LRP1B: variants seen among roughly 807,000 people sequenced by gnomAD.
LRP1B encodes low-density lipoprotein receptor-related protein 1B.
In LRP1B, 217 loss-of-function variants were observed where a neutral mutation model predicts 556.6. The ratio of observed to expected loss-of-function variants is 0.39; its 90% CI spans 0.35 to 0.44. The LOEUF is 0.44. Among genes scored for constraint, LRP1B ranks in the 20% least tolerant of loss-of-function variants. LRP1B has a pLI of 1.00. For synonymous variants in LRP1B, 2,047 were observed against 1,865.8 expected (o/e 1.10, Z -2.50); for missense variants, 5,053 against 5,620.8 (o/e 0.90, Z 3.23).
At chr2:141,970,798 G>T (rs182761865) in intron 1 of LRP1B, among the ~76,000 whole-genome samples, 1 of 151,584 alleles carries the variant, frequency 6.6e-6, no homozygotes, top group East Asian at 1.9e-4. Context: ...AAAGAAAGAA[G>T]AAAAAGTGAA....
chr2:140,447,313 A>G (rs894159408), intron 63 of LRP1B, among the ~76,000 whole-genome samples: 1 of 152,092 alleles, frequency 6.6e-6, no homozygotes, highest in East Asian at 1.9e-4. Context: ...TACTAGATAT[A>G]CACAGGCATA....
chr2:141,798,030 G>A (rs1695879578), intron 2 of LRP1B, among the ~76,000 whole-genome samples: 1 of 152,158 alleles, frequency 6.6e-6, no homozygotes, highest in Non-Finnish European at 1.5e-5. Context: ...GGGACAGTTG[G>A]AGAAGTTTGA....
chr2:141,158,866 T>C (rs1043570414), intron 7 of LRP1B, among the ~76,000 whole-genome samples: 3 of 152,136 alleles, frequency 2.0e-5, no homozygotes, highest in East Asian at 1.9e-4. Context: ...AAGACCTAAA[T>C]TGGTGAACTG....
At chr2:140,375,861 A>G (rs1448784619) in intron 68 of LRP1B, among the ~76,000 whole-genome samples, 1 of 152,088 alleles carries the variant, frequency 6.6e-6, no homozygotes, top group East Asian at 1.9e-4. Flanking sequence ...AGATTGAACC[A>G]TATTTTTAAA....
chr2:140,893,191 A>G (rs1693851552), intron 23 of LRP1B, among the ~76,000 whole-genome samples: 1 of 152,238 alleles, frequency 6.6e-6, no homozygotes, highest in African/African-American at 2.4e-5. Context: ...GAGATCATAA[A>G]TATGAGAGTA....
At chr2:140,702,596 T>A in intron 37 of LRP1B, 43 bp from the exon 38 acceptor site, 1 of 1,592,572 alleles carries the variant, frequency 6.3e-7, no homozygotes, top group Non-Finnish European at 8.6e-7. Context: ...GTACATTTAT[T>A]TGTAGTATGC....
chr2:141,387,929 A>G (rs1344479309), intron 3 of LRP1B, among the ~76,000 whole-genome samples: 1 of 152,124 alleles, frequency 6.6e-6, no homozygotes, highest in Non-Finnish European at 1.5e-5. Context: ...CAAAAACAAA[A>G]CACCTTAACA....
At chr2:140,814,822 G>A (rs887538791) in intron 31 of LRP1B, among the ~76,000 whole-genome samples, 6 of 152,220 alleles carry the variant, frequency 3.9e-5, no homozygotes, top group African/African-American at 9.6e-5. Context: ...AGTGTGTCAC[G>A]GAGGTAAGGC....
chr2:140,832,605 GT>G (rs2105078553), intron 31 of LRP1B, among the ~76,000 whole-genome samples: 1 of 152,278 alleles, frequency 6.6e-6, no homozygotes, highest in African/African-American at 2.4e-5. Flanking sequence ...TGCATGGAGT[GT>G]CAGGTCATTA....
chr2:141,993,195 C>T (rs973260471), intron 1 of LRP1B, among the ~76,000 whole-genome samples: 22 of 152,020 alleles, frequency 1.4e-4, no homozygotes, highest in Non-Finnish European at 7.4e-5. Flanking sequence ...ATCAGTTACC[C>T]AAAGACCAGG....
intron 2 of LRP1B, among the ~76,000 whole-genome samples, chr2:141,529,237 T>C (rs1684792597): frequency 6.6e-6 from 1 of 152,182 alleles, no homozygotes; most frequent in Admixed American, 6.5e-5. Flanking sequence ...TCTAAGCAAG[T>C]GTGTTTGTGC....
chr2:141,900,950 T>C (rs1215013838), intron 1 of LRP1B, among the ~76,000 whole-genome samples: 1 of 152,000 alleles, frequency 6.6e-6, no homozygotes, highest in Non-Finnish European at 1.5e-5. Flanking sequence ...GGAGCGGACT[T>C]GCAGGGACAT....
chr2:140,616,907 A>T (rs1056989245), intron 41 of LRP1B, among the ~76,000 whole-genome samples: 1 of 151,856 alleles, frequency 6.6e-6, no homozygotes, highest in Non-Finnish European at 1.5e-5. Flanking sequence ...TGTCCTATTA[A>T]ACTACTCAGT....
At chr2:141,337,400 GATTT>G (rs1213110179) in intron 3 of LRP1B, among the ~76,000 whole-genome samples, 1 of 152,088 alleles carries the variant, frequency 6.6e-6, no homozygotes, top group Non-Finnish European at 1.5e-5. Context: ...ACATTTTAGT[GATTT>G]ATTATCTTAC....
chr2:141,114,959 T>C (rs1464696420), intron 7 of LRP1B, among the ~76,000 whole-genome samples: 1 of 152,140 alleles, frequency 6.6e-6, no homozygotes, highest in Non-Finnish European at 1.5e-5. Flanking sequence ...TGAGGGTAGT[T>C]ATCTCTCTAA....
At chr2:140,337,756 T>A (rs1002357325) in intron 77 of LRP1B, among the ~76,000 whole-genome samples, 1 of 151,882 alleles carries the variant, frequency 6.6e-6, no homozygotes, top group East Asian at 1.9e-4. Flanking sequence ...GTTTACACCT[T>A]ATTTTCAATC....
At chr2:140,673,268 T>G (rs1183485082) in intron 41 of LRP1B, among the ~76,000 whole-genome samples, 1 of 152,208 alleles carries the variant, frequency 6.6e-6, no homozygotes, top group Admixed American at 6.5e-5. Context: ...TCAATTAAGG[T>G]ATTACAAGTA....
At chr2:141,568,445 T>C (rs528927085) in intron 2 of LRP1B, among the ~76,000 whole-genome samples, 4 of 151,198 alleles carry the variant, frequency 2.6e-5, no homozygotes, top group African/African-American at 9.6e-5. Context: ...ATAGGTTGAA[T>C]ATAAGAAAGA....
chr2:142,058,949 T>C (rs1284414876), intron 1 of LRP1B, among the ~76,000 whole-genome samples: 17 of 152,136 alleles, frequency 1.1e-4, no homozygotes. Context: ...ATTTGTAAAA[T>C]AGGAGAAATA....
Sources: allele counts gnomAD v4.1 joint callset (sites outside exome capture counted in the v4.1 genomes callset), GRCh38; gene constraint gnomAD v4.1.1; transcripts MANE v1.5; gene names NCBI Gene and HGNC (gene_info 2026-07-23, HGNC 2026-07-21).